FIRRM: variants seen among roughly 807,000 people sequenced by gnomAD.
FIRRM encodes FIGNL1-interacting regulator of recombination and mitosis.
At chr1:169,793,341 CTA>C in the FIRRM span, 1 of 1,614,188 alleles carries the variant, frequency 6.2e-7, no homozygotes, top group Non-Finnish European at 8.5e-7. Flanking sequence ...GGTAATGTTT[CTA>C]TGACTTTATT....
the FIRRM span, among the ~76,000 whole-genome samples, chr1:169,807,252 C>T: frequency 6.6e-6 from 1 of 152,138 alleles, no homozygotes; most frequent in South Asian, 2.1e-4. Flanking sequence ...ATTTTGTGTA[C>T]CTTGCTAACT....
At chr1:169,790,806 G>GA in the FIRRM span, among the ~76,000 whole-genome samples, 1 of 152,292 alleles carries the variant, frequency 6.6e-6, no homozygotes, top group African/African-American at 2.4e-5. Context: ...ACCTTACCTA[G>GA]TAGGTAAGTC....
chr1:169,812,217 A>C, the FIRRM span, among the ~76,000 whole-genome samples: 1 of 152,222 alleles, frequency 6.6e-6, no homozygotes, highest in Admixed American at 6.5e-5. Flanking sequence ...AATGAGAGAG[A>C]AAATTTAAAG....
the FIRRM span, among the ~76,000 whole-genome samples, chr1:169,807,628 A>G: frequency 6.6e-6 from 1 of 152,222 alleles, no homozygotes; most frequent in Non-Finnish European, 1.5e-5. Flanking sequence ...AACAAATATA[A>G]CTGCTTCAGA....
At chr1:169,800,265 T>A in the FIRRM span, among the ~76,000 whole-genome samples, 15 of 151,298 alleles carry the variant, frequency 9.9e-5, no homozygotes, top group Non-Finnish European at 1.9e-4. Context: ...AGGTGGTCTT[T>A]AACTCCTGGG....
the FIRRM span, chr1:169,792,857 C>A: frequency 6.2e-7 from 1 of 1,613,984 alleles, no homozygotes; most frequent in African/African-American, 1.3e-5. Context: ...AAGTTTTTCA[C>A]TACTTAGTAC....
At chr1:169,843,919 C>T in the FIRRM span, 1 of 610,394 alleles carries the variant, frequency 1.6e-6, no homozygotes. Context: ...TCTCATTTCT[C>T]TTTCTTCCTT....
chr1:169,853,817 T>C, the FIRRM span: 13 of 1,588,404 alleles, frequency 8.2e-6, no homozygotes, highest in East Asian at 2.2e-5. Flanking sequence ...AAACAAATCA[T>C]ATGCAAAAAT....
the FIRRM span, chr1:169,804,511 C>T: frequency 1.9e-5 from 4 of 209,208 alleles, no homozygotes; most frequent in Admixed American, 1.7e-4. Context: ...TATTCAGAGA[C>T]AATAACTTTC....
the FIRRM span, chr1:169,850,289 C>A: frequency 1.2e-6 from 2 of 1,611,970 alleles, no homozygotes; most frequent in Non-Finnish European, 1.7e-6. Flanking sequence ...AGAGATAGTT[C>A]CACAGTGTCT....
the FIRRM span, chr1:169,853,344 T>G: frequency 2.6e-4 from 82 of 315,456 alleles, no homozygotes; most frequent in East Asian, 4.9e-3. Context: ...CTTACTCTTA[T>G]GTTAAAGAAT....
At chr1:169,817,951 A>AT in the FIRRM span, among the ~76,000 whole-genome samples, 95,275 of 149,932 alleles carry the variant, frequency 0.64, 30,518 homozygotes, top group Middle Eastern at 0.76. Flanking sequence ...GTTCACACAG[A>AT]TTTTTTTTTT....
the FIRRM span, among the ~76,000 whole-genome samples, chr1:169,815,277 C>G: frequency 6.7e-6 from 1 of 148,530 alleles, no homozygotes; most frequent in Admixed American, 6.7e-5. Context: ...GCCTGGGTGA[C>G]AGAGCAAGAC....
chr1:169,795,464 G>T, the FIRRM span: 3 of 1,284,074 alleles, frequency 2.3e-6, no homozygotes, highest in Admixed American at 7.0e-5. Flanking sequence ...TTTAGCAGTG[G>T]ATGTGGCGTT....
chr1:169,850,504 T>TA, the FIRRM span: 3 of 566,480 alleles, frequency 5.3e-6, no homozygotes, highest in Admixed American at 9.2e-5. Context: ...GCCACAGAAG[T>TA]AAAACACTTG....
At chr1:169,840,511 CTTTTTT>C in the FIRRM span, among the ~76,000 whole-genome samples, 2 of 141,594 alleles carry the variant, frequency 1.4e-5, no homozygotes, top group South Asian at 2.2e-4. Flanking sequence ...TTTCTTTTTT[CTTTTTT>C]TTTTTTTTGT....
At chr1:169,814,092 C>T in the FIRRM span, among the ~76,000 whole-genome samples, 1 of 151,990 alleles carries the variant, frequency 6.6e-6, no homozygotes, top group East Asian at 1.9e-4. Context: ...ATATATGTAC[C>T]TGATTCTTAT....
the FIRRM span, among the ~76,000 whole-genome samples, chr1:169,814,743 CA>C: frequency 6.6e-6 from 1 of 152,138 alleles, no homozygotes; most frequent in African/African-American, 2.4e-5. Flanking sequence ...AATACATATA[CA>C]AAATATGTTA....
At chr1:169,801,705 A>G in the FIRRM span, among the ~76,000 whole-genome samples, 1 of 152,012 alleles carries the variant, frequency 6.6e-6, no homozygotes, top group Non-Finnish European at 1.5e-5. Context: ...TATATATGGT[A>G]TATGTTTTCT....
Sources: allele counts gnomAD v4.1 joint callset (sites outside exome capture counted in the v4.1 genomes callset), GRCh38; gene constraint gnomAD v4.1.1; transcripts MANE v1.5; gene names NCBI Gene and HGNC (gene_info 2026-07-23, HGNC 2026-07-21).